The following ZMAT3 variants were observed in gnomAD, a reference collection of about 807,000 sequenced individuals.
The protein encoded by ZMAT3 is zinc finger matrin-type protein 3.
ZMAT3 carries 17 observed loss-of-function variants against 32.3 expected under a neutral mutation model. That is an observed-to-expected ratio of 0.53 (90% CI 0.36 to 0.79). ZMAT3 has a LOEUF of 0.79. ZMAT3 is among the 30% of genes least tolerant of loss of function. The pLI is 0.00. For missense variants in ZMAT3, 329 were observed against 359.7 expected (o/e 0.91, Z 0.69); for synonymous variants, 120 against 133.1 (o/e 0.90, Z 0.68).
intron 2 of ZMAT3, among the ~76,000 whole-genome samples, chr3:179,054,983 TC>T (rs1369818043): frequency 6.6e-6 from 1 of 152,104 alleles, no homozygotes; most frequent in Non-Finnish European, 1.5e-5. Flanking sequence ...GGCCCAAGAT[TC>T]CATTCCTTGG....
rs765255402 is a variant in ZMAT3 at position 179,031,049 on chromosome 3, T to G, written c.271-50A>C. The G allele has an allele frequency of 3.9e-6, 6 of 1,537,994 alleles. No homozygotes were observed. In the Admixed American group the frequency reaches 1.2e-4, roughly 30 times the overall value. ...CAGCAGTCCACCCTTATCTGCAGTT[T>G]CAGCAATTTCAGTTAGCTATGGTCA... On this transcript the variant is annotated intron_variant, in intron 2 of 5. Transcript: ENST00000311417.
chr3:179,050,919 T>C (rs926938148), intron 2 of ZMAT3, among the ~76,000 whole-genome samples: 7 of 152,142 alleles, frequency 4.6e-5, no homozygotes, highest in Non-Finnish European at 1.0e-4. Context: ...AGAAAAAGCA[T>C]TTGACAAAAT....
intron 2 of ZMAT3, among the ~76,000 whole-genome samples, chr3:179,047,549 T>G (rs570115839): frequency 9.5e-4 from 144 of 152,330 alleles, no homozygotes; most frequent in African/African-American, 3.1e-3. Context: ...GGTCAACTAC[T>G]AATCCAATCA....
chr3:179,063,838 T>C (rs557855540), intron 2 of ZMAT3, among the ~76,000 whole-genome samples: 13 of 152,216 alleles, frequency 8.5e-5, no homozygotes, highest in Non-Finnish European at 1.9e-4. Context: ...TAATATTTGA[T>C]GGCTTCATTA....
intron 2 of ZMAT3, among the ~76,000 whole-genome samples, chr3:179,057,608 A>C (rs1720914575): frequency 6.6e-6 from 1 of 152,220 alleles, no homozygotes; most frequent in Non-Finnish European, 1.5e-5. Context: ...AAGCACTCTT[A>C]AATTTCCTCA....
intron 2 of ZMAT3, among the ~76,000 whole-genome samples, chr3:179,054,585 A>G (rs765223111): frequency 6.6e-6 from 1 of 152,238 alleles, no homozygotes; most frequent in Non-Finnish European, 1.5e-5. Context: ...AAAAAATTCA[A>G]TATGAGGCTA....
intron 2 of ZMAT3, among the ~76,000 whole-genome samples, chr3:179,033,074 G>T (rs1346390055): frequency 6.6e-6 from 1 of 152,274 alleles, no homozygotes. Context: ...AGGAAAGAGA[G>T]ATCAGATTGT....
At chr3:179,032,365 C>T (rs1457077418) in intron 2 of ZMAT3, among the ~76,000 whole-genome samples, 1 of 152,024 alleles carries the variant, frequency 6.6e-6, no homozygotes, top group Admixed American at 6.5e-5. Flanking sequence ...CCTCCACCTC[C>T]CAGCCGCCTG....
At chr3:179,068,708 A>G (rs1721553122) in intron 1 of ZMAT3, among the ~76,000 whole-genome samples, 2 of 152,368 alleles carry the variant, frequency 1.3e-5, no homozygotes, top group Non-Finnish European at 1.5e-5. Context: ...CTGATCAACT[A>G]GCAATATTTA....
rs867340579 is a variant in ZMAT3, at chr3:179,048,411, A to G, written c.271-17412T>C. On this transcript the variant is annotated intron_variant, in intron 2 of 5. Coordinates refer to ENST00000311417, the MANE Select transcript of ZMAT3 (RefSeq NM_022470.4). Reference sequence around the variant, plus strand: ...GAAAGAATCTTAAGAGCTGTGAGGCAAAAGCATCAGGTAACCTATAAAGGA... The same window carrying G: ...GAAAGAATCTTAAGAGCTGTGAGGCGAAAGCATCAGGTAACCTATAAAGGA... Among the ~76,000 whole-genome samples the G allele has an allele frequency of 6.0e-4, 91 of 152,360 alleles. 1 individual carries two copies. Among genetic ancestry groups the G allele is most frequent in the Middle Eastern group, 6.8e-3 (2 of 294 alleles).
Position 179,022,631 on chromosome 3 carries a change from A to G in ZMAT3, c.*2386T>C, listed in dbSNP as rs1442439945. The G allele has an allele frequency of 6.7e-6, 1 of 150,228 alleles. No homozygotes were observed. Among genetic ancestry groups the G allele is most frequent in the Non-Finnish European group, 1.5e-5 (1 of 67,618 alleles). The allele number at this position is 150,228 out of a possible 1,614,324, so 9.3% of individuals were successfully genotyped here. A position where few individuals can be genotyped will look rare whatever the true frequency, so the allele number is the denominator to read the frequency against. On this transcript the variant is annotated 3_prime_UTR_variant, in exon 6 of 6. Transcript: ENST00000311417. The stretch of plus-strand genomic sequence containing the variant: ...AACTCTACTTTATAGATTACTGAAA[A>G]AATAATAATAATAATAATAATAAAA...
At chr3:179,064,874 A>C (rs1282545150) in intron 2 of ZMAT3, among the ~76,000 whole-genome samples, 1 of 151,536 alleles carries the variant, frequency 6.6e-6, no homozygotes, top group Non-Finnish European at 1.5e-5. Context: ...CACTCTGTTT[A>C]TTATTCTGAT....
In ZMAT3 at chr3:179,026,379, C is replaced by CTTTTTTTT. The variant is rs1235818885; in HGVS notation, c.658+1036_658+1043dup. On this transcript the variant is annotated intron_variant, in intron 5 of 5. Coordinates refer to ENST00000311417, the MANE Select transcript of ZMAT3 (RefSeq NM_022470.4). The stretch of plus-strand genomic sequence containing the variant: ...CTTTTCTTAATCATAATGAATTGTG[C>CTTTTTTTT]TTTTTTTTTTTTTTTTTTTTTTTTT... 7.1e-4 allele frequency among the ~76,000 whole-genome samples: 47 copies of CTTTTTTTT among 65,924 alleles called. 2 individuals are homozygous for CTTTTTTTT. The highest frequency in any genetic ancestry group is 1.4e-3 in the East Asian group (3 of 2,080). 43.2% of individuals were successfully genotyped at this position (65,924 alleles called of 152,430 possible). A position where few individuals can be genotyped will look rare whatever the true frequency, so the allele number is the denominator to read the frequency against.
chr3:179,060,840 CAA>C (rs1721118411), intron 2 of ZMAT3, among the ~76,000 whole-genome samples: 1 of 151,772 alleles, frequency 6.6e-6, no homozygotes, highest in African/African-American at 2.4e-5. Context: ...AAGAAAGACA[CAA>C]AATTAAAACA....
chr3:179,045,627 C>A (rs1720191197), intron 2 of ZMAT3, among the ~76,000 whole-genome samples: 1 of 152,022 alleles, frequency 6.6e-6, no homozygotes, highest in African/African-American at 2.4e-5. Flanking sequence ...AGCAAATATA[C>A]AAAAACAATG....
chr3:179,019,040 A>G lies in ZMAT3; in HGVS notation c.*5977T>C, dbSNP rs1718412062. 1 of 152,166 alleles carries G rather than the reference A, an allele frequency of 6.6e-6. No homozygotes were observed. The highest frequency in any genetic ancestry group is 2.4e-5 in the African/African-American group (1 of 41,456). The allele number at this position is 152,166 out of a possible 1,614,324, so 9.4% of individuals were successfully genotyped here. On this transcript the variant is annotated 3_prime_UTR_variant, in exon 6 of 6. Transcript: ENST00000311417. The stretch of plus-strand genomic sequence containing the variant: ...AAGCAGCAACAGATTGAAATGAGGT[A>G]TTCGCTGATTTCATAAACCCCAATC...
chr3:179,051,693 G>T (rs1426754979), intron 2 of ZMAT3, among the ~76,000 whole-genome samples: 1 of 151,822 alleles, frequency 6.6e-6, no homozygotes, highest in Non-Finnish European at 1.5e-5. Flanking sequence ...AATTTATATG[G>T]AACCAAAAAA....
At chr3:179,039,551 G>A (rs903775611) in intron 2 of ZMAT3, among the ~76,000 whole-genome samples, 1 of 152,086 alleles carries the variant, frequency 6.6e-6, no homozygotes, top group African/African-American at 2.4e-5. Flanking sequence ...CAAAAAGAAC[G>A]TCTACACCAA....
intron 2 of ZMAT3, among the ~76,000 whole-genome samples, chr3:179,052,335 C>A (rs7430033): frequency 0.61 from 92,421 of 151,312 alleles, 28,328 homozygotes; most frequent in East Asian, 0.8. Flanking sequence ...TGGCCTAAGG[C>A]CATGAATAGA....
Sources: allele counts gnomAD v4.1 joint callset (sites outside exome capture counted in the v4.1 genomes callset), GRCh38; gene constraint gnomAD v4.1.1; transcripts MANE v1.5; gene names NCBI Gene and HGNC (gene_info 2026-07-23, HGNC 2026-07-21).